Variants in SHISA6 observed in about 807,000 individuals in gnomAD.
The protein encoded by SHISA6 is shisa family member 6.
SHISA6 carries 22 observed loss-of-function variants against 47.9 expected under a neutral mutation model. That is an observed-to-expected ratio of 0.46 (90% CI 0.33 to 0.66). The LOEUF (loss-of-function observed/expected upper bound fraction) is 0.66. Ranked by LOEUF, SHISA6 falls within the 30% of genes least tolerant of loss-of-function variation. SHISA6 has a pLI of 0.02. For synonymous variants in SHISA6, 388 were observed against 337.8 expected (o/e 1.15, Z -1.63); for missense variants, 680 against 764.6 (o/e 0.89, Z 1.30).
intron 3 of SHISA6, among the ~76,000 whole-genome samples, chr17:11,481,196 T>G (rs1021552370): frequency 1.3e-5 from 2 of 151,920 alleles, no homozygotes; most frequent in African/African-American, 4.8e-5. Flanking sequence ...GGAGACTTAT[T>G]TGAACCCGGG....
chr17:11,543,499 T>C (rs1186677847), intron 3 of SHISA6, among the ~76,000 whole-genome samples: 2 of 152,166 alleles, frequency 1.3e-5, no homozygotes, highest in Non-Finnish European at 2.9e-5. Context: ...CGTTTAGGGA[T>C]TGGAAGACTG....
intron 3 of SHISA6, among the ~76,000 whole-genome samples, chr17:11,431,844 A>G (rs1272248532): frequency 2.0e-5 from 3 of 152,234 alleles, no homozygotes; most frequent in Admixed American, 1.3e-4. Context: ...CCTTGGGCTC[A>G]CCTGTGTTTT....
At position 11,410,733 on chromosome 17, in the gene SHISA6, C is replaced by T. The variant is rs112671443; in HGVS notation, c.895+31224C>T. On this transcript the variant is annotated intron_variant, in intron 3 of 5. Coordinates refer to ENST00000441885, the MANE Select transcript of SHISA6 (RefSeq NM_207386.4). ...ACTTAGTAGGTTGTCAAAGTGTGGT[C>T]CCTGGACCTGCTGTGCCAGTGTCAC... Among the ~76,000 whole-genome samples, 54 of 152,212 alleles carry T rather than the reference C, an allele frequency of 3.5e-4. 1 individual carries two copies. The highest frequency in any genetic ancestry group is 1.3e-3 in the African/African-American group (52 of 41,544).
chr17:11,450,630 G>A (rs1262512295), intron 3 of SHISA6, among the ~76,000 whole-genome samples: 2 of 152,040 alleles, frequency 1.3e-5, no homozygotes, highest in African/African-American at 2.4e-5. Context: ...AGGAGGCAGA[G>A]GTTGCAGTGA....
At chr17:11,415,747 C>CT (rs11428347) in intron 3 of SHISA6, among the ~76,000 whole-genome samples, 101,097 of 151,644 alleles carry the variant, frequency 0.67, 33,875 homozygotes, top group African/African-American at 0.7. Context: ...TGCTGTTGTT[C>CT]TTTTTTTTGC....
At chr17:11,513,245 C>T (rs899897829) in intron 3 of SHISA6, among the ~76,000 whole-genome samples, 7 of 150,756 alleles carry the variant, frequency 4.6e-5, no homozygotes, top group African/African-American at 7.3e-5. Flanking sequence ...TATATACATA[C>T]GTATATATGC....
intron 2 of SHISA6, among the ~76,000 whole-genome samples, chr17:11,377,724 C>T (rs1912854263): frequency 6.6e-6 from 1 of 152,090 alleles, no homozygotes; most frequent in Non-Finnish European, 1.5e-5. Flanking sequence ...TTGAAGTCAC[C>T]TGAATAAACT....
chr17:11,452,464 A>C (rs1371977413), intron 3 of SHISA6, among the ~76,000 whole-genome samples: 1 of 152,256 alleles, frequency 6.6e-6, no homozygotes, highest in East Asian at 1.9e-4. Context: ...TCAGCAGATA[A>C]AAGGAATTAG....
intron 3 of SHISA6, among the ~76,000 whole-genome samples, chr17:11,548,373 T>C (rs2071900435): frequency 6.6e-6 from 1 of 152,146 alleles, no homozygotes; most frequent in Non-Finnish European, 1.5e-5. Context: ...TTTACAAAAT[T>C]ATCTTAATAC....
At chr17:11,343,597 T>C (rs1378751543) in intron 2 of SHISA6, among the ~76,000 whole-genome samples, 1 of 152,118 alleles carries the variant, frequency 6.6e-6, no homozygotes, top group Admixed American at 6.5e-5. Context: ...ATCCCCTGAG[T>C]CCCCTACCCT....
chr17:11,462,421 A>G (rs1915715332), intron 3 of SHISA6, among the ~76,000 whole-genome samples: 1 of 152,216 alleles, frequency 6.6e-6, no homozygotes, highest in South Asian at 2.1e-4. Flanking sequence ...TGGATCCGGC[A>G]ACAGCTGACC....
chr17:11,504,310 C>T (rs548701077), intron 3 of SHISA6, among the ~76,000 whole-genome samples: 1 of 152,256 alleles, frequency 6.6e-6, no homozygotes, highest in South Asian at 2.1e-4. Context: ...TCCGTGAAAG[C>T]TCCATGGCCC....
intron 5 of SHISA6, among the ~76,000 whole-genome samples, chr17:11,557,361 G>A (rs372025765): frequency 1.3e-5 from 2 of 152,090 alleles, no homozygotes; most frequent in Non-Finnish European, 2.9e-5. Flanking sequence ...AGGACCAGGC[G>A]GAGTTCAGGG....
At chr17:11,493,569 A>ACG (rs1162791226) in intron 3 of SHISA6, among the ~76,000 whole-genome samples, 3 of 109,596 alleles carry the variant, frequency 2.7e-5, no homozygotes, top group Admixed American at 9.2e-5. Flanking sequence ...ATGTGGATAC[A>ACG]CGCGTGCGCG....
At chr17:11,369,495 A>G (rs903972915) in intron 2 of SHISA6, among the ~76,000 whole-genome samples, 1 of 152,198 alleles carries the variant, frequency 6.6e-6, no homozygotes, top group African/African-American at 2.4e-5. Flanking sequence ...AGAATGTGAG[A>G]AGAAGTCAAG....
intron 2 of SHISA6, among the ~76,000 whole-genome samples, chr17:11,320,139 C>T (rs945221691): frequency 6.6e-6 from 1 of 152,196 alleles, no homozygotes; most frequent in Non-Finnish European, 1.5e-5. Flanking sequence ...CAGAAGTCTT[C>T]TATTTCTTAA....
intron 2 of SHISA6, among the ~76,000 whole-genome samples, chr17:11,351,782 G>T (rs1311867948): frequency 6.6e-6 from 1 of 152,206 alleles, no homozygotes; most frequent in Non-Finnish European, 1.5e-5. Flanking sequence ...GTCAGGAATG[G>T]CACCGTCAAA....
In SHISA6 at chr17:11,300,244, C is replaced by G. The variant is rs138123206; in HGVS notation, c.799+36718C>G. Among the ~76,000 whole-genome samples, 17 of 152,186 alleles carry G rather than the reference C, an allele frequency of 1.1e-4. No individual in the cohort carries two copies. The East Asian group carries it at 3.3e-3, about 29-fold the overall frequency. On this transcript the variant is annotated intron_variant, in intron 2 of 5. Coordinates refer to ENST00000441885, the MANE Select transcript of SHISA6 (RefSeq NM_207386.4). Reference sequence around the variant, plus strand: ...CTGGGATGTGGATATCTTTGGGAGGCATTTTTCTGTTTACCACAATACCCG... The same window carrying G: ...CTGGGATGTGGATATCTTTGGGAGGGATTTTTCTGTTTACCACAATACCCG...
chr17:11,532,508 C>A (rs536841900), intron 3 of SHISA6, among the ~76,000 whole-genome samples: 6 of 152,268 alleles, frequency 3.9e-5, no homozygotes, highest in African/African-American at 1.4e-4. Context: ...CGCGCACGCG[C>A]GTATGTGTGT....
Sources: gnomAD v4.1 joint callset for allele counts (sites outside exome capture counted in the v4.1 genomes callset) on GRCh38, gnomAD v4.1.1 for gene constraint, MANE v1.5 for transcripts, NCBI Gene and HGNC (gene_info 2026-07-23, HGNC 2026-07-21) for gene names.